SNTG2: variants seen among roughly 807,000 people sequenced by gnomAD.
SNTG2 encodes syntrophin gamma 2.
SNTG2 carries 74 observed loss-of-function variants against 70.9 expected under a neutral mutation model. The observed-to-expected ratio is 1.04, with a 90% CI of 0.86 to 1.27. The LOEUF (loss-of-function observed/expected upper bound fraction) is 1.27, where lower values mean the gene tolerates loss of function less well. Ranked by LOEUF, SNTG2 falls within the 50% of genes most tolerant of loss-of-function variation. The pLI, the probability that SNTG2 is intolerant of heterozygous loss-of-function variation, is 0.00. For missense variants in SNTG2, 717 were observed against 690.7 expected, an observed-to-expected ratio of 1.04 and a Z score of -0.43; for synonymous variants, 278 against 273.8, an observed-to-expected ratio of 1.02 and a Z score of -0.15.
intron 4 of SNTG2, among the ~76,000 whole-genome samples, chr2:1,116,845 C>T (rs1454306008): frequency 6.9e-6 from 1 of 145,642 alleles, no homozygotes; most frequent in Non-Finnish European, 1.5e-5. Flanking sequence ...TGTATGGGTG[C>T]CCTGGTGTGT....
chr2:1,067,913 C>G (rs544742365), intron 1 of SNTG2, among the ~76,000 whole-genome samples: 13 of 152,228 alleles, frequency 8.5e-5, no homozygotes, highest in Non-Finnish European at 1.6e-4. Context: ...CTTATGGGTC[C>G]CACAGTCCTT....
At chr2:1,204,780 A>G (rs560193457) in intron 8 of SNTG2, among the ~76,000 whole-genome samples, 16 of 152,322 alleles carry the variant, frequency 1.1e-4, no homozygotes, top group Non-Finnish European at 2.1e-4. Context: ...GTGTATAGGA[A>G]AAAAGCATAG....
chr2:1,090,892 A>C (rs1664977249), intron 2 of SNTG2, among the ~76,000 whole-genome samples: 1 of 151,996 alleles, frequency 6.6e-6, no homozygotes, highest in African/African-American at 2.4e-5. Flanking sequence ...AGCTCCTGAG[A>C]TCTTATCGGG....
chr2:1,273,298 GTTTCAGAAATT>G (rs1052814360), intron 14 of SNTG2, among the ~76,000 whole-genome samples: 1 of 141,606 alleles, frequency 7.1e-6, no homozygotes, highest in Non-Finnish European at 1.5e-5. Flanking sequence ...CTGTTTCCAA[GTTTCAGAAATT>G]TTTCTGATAA....
At chr2:1,185,721 GC>G (rs1400419694) in intron 8 of SNTG2, among the ~76,000 whole-genome samples, 1 of 152,186 alleles carries the variant, frequency 6.6e-6, no homozygotes, top group East Asian at 1.9e-4. Flanking sequence ...GGGCAGCAGG[GC>G]CCCGGGCCTG....
At chr2:1,088,396 T>C (rs1032371869) in intron 2 of SNTG2, among the ~76,000 whole-genome samples, 1 of 152,292 alleles carries the variant, frequency 6.6e-6, no homozygotes, top group African/African-American at 2.4e-5. Context: ...CTGTCTTTCT[T>C]GGTTGGGTCC....
chr2:973,541 T>TA (rs11394509), intron 1 of SNTG2, among the ~76,000 whole-genome samples: 27,736 of 116,650 alleles, frequency 0.24, 2,795 homozygotes, highest in African/African-American at 0.34. Flanking sequence ...TATATATATA[T>TA]TTTTTTTTAC....
chr2:980,782 A>G (rs1281383973), intron 1 of SNTG2, among the ~76,000 whole-genome samples: 1 of 152,204 alleles, frequency 6.6e-6, no homozygotes, highest in Non-Finnish European at 1.5e-5. Flanking sequence ...TGACATGACA[A>G]AAAAGAAATA....
At chr2:1,358,723 T>TGATGTCA (rs1432383576) in intron 16 of SNTG2, among the ~76,000 whole-genome samples, 3 of 152,216 alleles carry the variant, frequency 2.0e-5, no homozygotes, top group Admixed American at 6.5e-5. Context: ...ATACTAGGTA[T>TGATGTCA]GATGTCAGTC....
intron 14 of SNTG2, among the ~76,000 whole-genome samples, chr2:1,281,825 A>T (rs55705401): frequency 0.65 from 98,814 of 151,944 alleles, 32,579 homozygotes; most frequent in Middle Eastern, 0.82. Context: ...GGAAGCGGAC[A>T]CTGGCCCCAC....
intron 1 of SNTG2, among the ~76,000 whole-genome samples, chr2:1,069,318 GA>G (rs1012272883): frequency 2.1e-5 from 3 of 145,330 alleles, no homozygotes; most frequent in Non-Finnish European, 3.0e-5. Flanking sequence ...TTATATAAAT[GA>G]AAAAAATTCT....
chr2:1,038,041 A>G (rs757869518), intron 1 of SNTG2, among the ~76,000 whole-genome samples: 2 of 152,156 alleles, frequency 1.3e-5, no homozygotes, highest in Non-Finnish European at 2.9e-5. Context: ...CAACTGTGGC[A>G]TTTTGTATTC....
chr2:1,254,392 A>T (rs148227781), intron 12 of SNTG2, among the ~76,000 whole-genome samples: 1,697 of 152,330 alleles, frequency 0.011, 29 homozygotes, highest in African/African-American at 0.039. Flanking sequence ...AAGATGTTTC[A>T]GTTATTCCTG....
rs939834255 is a variant in SNTG2, at chr2:1,353,402, C to G, written c.1489-13941C>G. Among the ~76,000 whole-genome samples, 1 of 152,176 alleles carries G rather than the reference C, an allele frequency of 6.6e-6. No individual in the cohort carries two copies. The highest frequency in any genetic ancestry group is 1.5e-5 in the Non-Finnish European group (1 of 68,032). Reference sequence around the variant, plus strand: ...AATTGAGTTCCGGGGTGTGGCTGTTCCTCGTGATTGTTGCATTTCATCCTA... The same window carrying G: ...AATTGAGTTCCGGGGTGTGGCTGTTGCTCGTGATTGTTGCATTTCATCCTA... On this transcript the variant is annotated intron_variant, in intron 16 of 16. Coordinates refer to ENST00000308624, the MANE Select transcript of SNTG2 (RefSeq NM_018968.4). This position sits in a 1 kb window ranked among gnomAD's most constrained non-coding sequence, Gnocchi z 4.2.
At chr2:975,116 C>T (rs973125345) in intron 1 of SNTG2, among the ~76,000 whole-genome samples, 3 of 152,024 alleles carry the variant, frequency 2.0e-5, no homozygotes, top group African/African-American at 4.8e-5. Context: ...ACACCACACA[C>T]TTGCACTAAC....
intron 1 of SNTG2, among the ~76,000 whole-genome samples, chr2:1,071,664 CTA>C (rs1319757382): frequency 6.7e-6 from 1 of 148,366 alleles, no homozygotes; most frequent in Non-Finnish European, 1.5e-5. Context: ...AAAAAAAAAA[CTA>C]GAGAAGATCA....
chr2:1,197,581 G>T (rs1572703117), intron 8 of SNTG2, among the ~76,000 whole-genome samples: 2 of 151,132 alleles, frequency 1.3e-5, no homozygotes, highest in East Asian at 3.9e-4. Flanking sequence ...CTGTCACTCA[G>T]TCTGGGGTGC....
chr2:1,104,790 GT>G (rs547407781), intron 4 of SNTG2, among the ~76,000 whole-genome samples: 73 of 152,314 alleles, frequency 4.8e-4, no homozygotes, highest in Non-Finnish European at 6.2e-4. Context: ...AAATCCGGCT[GT>G]TTGCTGTGGT....
At chr2:1,195,823 A>G (rs917981431) in intron 8 of SNTG2, among the ~76,000 whole-genome samples, 1 of 152,150 alleles carries the variant, frequency 6.6e-6, no homozygotes, top group Non-Finnish European at 1.5e-5. Flanking sequence ...TTAATTGAAC[A>G]TGAAGTTGTG....
Sources: allele counts gnomAD v4.1 joint callset (sites outside exome capture counted in the v4.1 genomes callset), GRCh38; gene constraint gnomAD v4.1.1; non-coding constraint Gnocchi (gnomAD v3.1); transcripts MANE v1.5; gene names NCBI Gene and HGNC (gene_info 2026-07-23, HGNC 2026-07-21).